Variants in MARK3 observed in about 807,000 individuals in gnomAD.
MARK3 encodes the protein microtubule affinity regulating kinase 3.
MARK3 carries 46 observed loss-of-function variants against 90.1 expected under a neutral mutation model. That is an observed-to-expected ratio of 0.51 (90% CI 0.40 to 0.65). MARK3 has a LOEUF of 0.65. Ranked by LOEUF, MARK3 falls within the 30% of genes least tolerant of loss-of-function variation. MARK3 has a pLI of 0.00. For synonymous variants in MARK3, 321 were observed against 332.6 expected (o/e 0.97, Z 0.38); for missense variants, 818 against 947.2 (o/e 0.86, Z 1.79).
intron 5 of MARK3, among the ~76,000 whole-genome samples, chr14:103,453,110 T>C (rs1183124121): frequency 1.3e-5 from 2 of 152,366 alleles, no homozygotes; most frequent in East Asian, 3.9e-4. Context: ...TAGTAACTAT[T>C]TGCCTATGGT....
chr14:103,400,981 GTA>G (rs1388378178), intron 1 of MARK3, among the ~76,000 whole-genome samples: 1,670 of 144,782 alleles, frequency 0.012, 35 homozygotes, highest in African/African-American at 0.038. Context: ...GTGTGTGTGT[GTA>G]TGCAGGTTGT....
intron 3 of MARK3, among the ~76,000 whole-genome samples, chr14:103,435,308 GTGA>G (rs2141128812): frequency 1.3e-5 from 2 of 151,964 alleles, no homozygotes; most frequent in South Asian, 4.2e-4. Context: ...TAGAAATGTG[GTGA>G]TCTCAGTACA....
intron 2 of MARK3, chr14:103,412,713 C>T (rs987644873): frequency 6.7e-6 from 4 of 593,884 alleles, no homozygotes; most frequent in South Asian, 6.0e-5. Flanking sequence ...CCGTGCAGGA[C>T]TTCCTGCACC....
intron 2 of MARK3, among the ~76,000 whole-genome samples, chr14:103,409,804 A>G (rs2091527257): frequency 6.6e-6 from 1 of 152,190 alleles, no homozygotes; most frequent in Admixed American, 6.5e-5. Flanking sequence ...CTTCCTGGCT[A>G]TGGTGGTACC....
At chr14:103,495,544 A>G (rs188893324) in intron 15 of MARK3, among the ~76,000 whole-genome samples, 92 of 151,976 alleles carry the variant, frequency 6.1e-4, no homozygotes, top group African/African-American at 1.7e-3. Flanking sequence ...TTTAGCCACT[A>G]CACTGTGCTC....
intron 2 of MARK3, among the ~76,000 whole-genome samples, chr14:103,413,586 C>CTTATT (rs1293247645): frequency 1.2e-3 from 177 of 150,174 alleles, no homozygotes; most frequent in African/African-American, 2.9e-3. Context: ...CCGCACCTGG[C>CTTATT]TTATTTTATT....
intron 7 of MARK3, 100 bp from the exon 8 acceptor site, chr14:103,465,455 CTT>C (rs1487874488): frequency 1.3e-6 from 1 of 760,476 alleles, no homozygotes; most frequent in East Asian, 2.5e-5. Flanking sequence ...TAGGAGGTAA[CTT>C]CATATCATTA....
chr14:103,405,078 C>T lies in MARK3; in HGVS notation c.54C>T (p.His18=), dbSNP rs1043701941. 1 of 1,613,354 alleles carries T rather than the reference C, an allele frequency of 6.2e-7. No individual in the cohort carries two copies. Among genetic ancestry groups the T allele is most frequent in the East Asian group, 2.2e-5 (1 of 44,830 alleles). The change falls in exon 2 of 18, where the codon CAC becomes CAT. Residue 18 remains histidine (H), a splice_region_variant and synonymous_variant. Coordinates refer to ENST00000429436, the MANE Select transcript of MARK3 (RefSeq NM_001128918.3). ...TCTTTGTGTATGCTGTATTGCAGCA[C>T]ACGTCACATGGAGATGGGCGTCAAG... ...PTVNERDTEN[H]TSHGDGRQEV... is the part of the protein sequence containing the mutation.
At chr14:103,474,007 T>G (rs1331495967) in intron 12 of MARK3, among the ~76,000 whole-genome samples, 1 of 138,854 alleles carries the variant, frequency 7.2e-6, no homozygotes, top group East Asian at 2.1e-4. Context: ...CCATCCTGGC[T>G]AACACTGTGA....
chr14:103,472,074 G>A (rs1479495390), intron 12 of MARK3, among the ~76,000 whole-genome samples: 1 of 151,642 alleles, frequency 6.6e-6, no homozygotes, highest in African/African-American at 2.4e-5. Flanking sequence ...AGCCAGGCGT[G>A]GTGGTGGGCA....
Position 103,465,745 on chromosome 14 carries a change from A to G in MARK3, c.729A>G (p.Leu243=). 1 of 1,614,160 alleles carries G rather than the reference A, an allele frequency of 6.2e-7. No individual in the cohort carries two copies. The highest frequency in any genetic ancestry group is 8.5e-7 in the Non-Finnish European group (1 of 1,180,036). ...EVDVWSLGVI[L]YTLVSGSLPF... ...ATGTGTGGAGTCTGGGGGTCATTTT[A>G]TACACACTAGTCAGTGGCTCACTTC... The change falls in exon 8 of 18, where the codon TTA becomes TTG. Residue 243 remains leucine (L), a synonymous_variant. Transcript: ENST00000429436.
intron 15 of MARK3, among the ~76,000 whole-genome samples, 183 bp from the exon 16 acceptor site, chr14:103,498,319 C>T (rs1168220344): frequency 6.6e-6 from 1 of 151,928 alleles, no homozygotes; most frequent in Non-Finnish European, 1.5e-5. Context: ...AGATCACATA[C>T]TCATTTAATT....
At chr14:103,436,473 A>T (rs929760209) in intron 3 of MARK3, among the ~76,000 whole-genome samples, 4 of 151,576 alleles carry the variant, frequency 2.6e-5, no homozygotes, top group African/African-American at 9.7e-5. Flanking sequence ...CAGGCCATTA[A>T]CAAAAGTAGT....
intron 9 of MARK3, 32 bp downstream of exon 9, chr14:103,466,123 T>C: frequency 6.2e-7 from 1 of 1,610,380 alleles, no homozygotes. Context: ...AGCAGTAACT[T>C]TGGAGAGTCT....
intron 6 of MARK3, among the ~76,000 whole-genome samples, chr14:103,458,547 CAG>C (rs2093329404): frequency 7.0e-6 from 1 of 142,762 alleles, no homozygotes; most frequent in Admixed American, 7.0e-5. Context: ...TTTACAAAAA[CAG>C]GGATGGGCCG....
At chr14:103,469,143 T>C (rs1164945336) in intron 12 of MARK3, 1 of 151,854 alleles carries the variant, frequency 6.6e-6, no homozygotes. Context: ...ATTTTTACCT[T>C]TTTTATTTCT....
At chr14:103,456,677 G>A (rs1356604862) in intron 5 of MARK3, among the ~76,000 whole-genome samples, 2 of 152,138 alleles carry the variant, frequency 1.3e-5, no homozygotes, top group African/African-American at 4.8e-5. Context: ...AGGATCTTGT[G>A]TTCACTGCTG....
intron 14 of MARK3, among the ~76,000 whole-genome samples, chr14:103,485,453 T>C (rs1464927206): frequency 4.0e-5 from 6 of 151,822 alleles, no homozygotes; most frequent in African/African-American, 1.5e-4. Flanking sequence ...TTTTATTTTT[T>C]GTAGAGATGA....
chr14:103,415,562 A>G (rs900048021), intron 2 of MARK3, among the ~76,000 whole-genome samples: 10 of 152,098 alleles, frequency 6.6e-5, no homozygotes, highest in Non-Finnish European at 1.0e-4. Context: ...CCAACTTTTC[A>G]TAGCTTATGG....
Sources: gnomAD v4.1 joint callset for allele counts (sites outside exome capture counted in the v4.1 genomes callset) on GRCh38, gnomAD v4.1.1 for gene constraint, MANE v1.5 for transcripts, NCBI Gene and HGNC (gene_info 2026-07-23, HGNC 2026-07-21) for gene names.